Variants in IL15RA observed in about 807,000 individuals in gnomAD.
The protein encoded by IL15RA is interleukin 15 receptor subunit alpha.
IL15RA carries 26 observed loss-of-function variants against 24.2 expected under a neutral mutation model. The ratio of observed to expected loss-of-function variants is 1.07; its 90% CI spans 0.79 to 1.49. The LOEUF (loss-of-function observed/expected upper bound fraction) is 1.49. Ranked by LOEUF, IL15RA falls within the 40% of genes most tolerant of loss-of-function variation. The pLI, the probability that IL15RA is intolerant of heterozygous loss-of-function variation, is 0.00. For synonymous variants in IL15RA, 166 were observed against 157.6 expected, an observed-to-expected ratio of 1.05 and a Z score of -0.40; for missense variants, 354 against 356.4, an observed-to-expected ratio of 0.99 and a Z score of 0.05.
chr10:5,961,721 C>T lies in IL15RA; in HGVS notation c.383-1154G>A, dbSNP rs946440820. 7.2e-5 allele frequency among the ~76,000 whole-genome samples: 11 copies of T among 152,234 alleles called. No individual in the cohort carries two copies. The highest frequency in any genetic ancestry group is 2.4e-4 in the African/African-American group (10 of 41,456). ...CTGCCCCTGCACTGTAAGGGTGTGG[C>T]GTAACTGTGCTGTTCCCTCTCCATG... is the stretch of plus-strand genomic sequence containing the variant. On this transcript the variant is annotated intron_variant, in intron 3 of 6. Transcript: ENST00000379977. The surrounding 1 kb of genome is among the most constrained non-coding windows in gnomAD (Gnocchi z 5.2).
Position 5,958,820 on chromosome 10 carries a change from T to A in IL15RA, c.616+934A>T, listed in dbSNP as rs1834985704. ...TGAGTCATTCTCTAGCAGAAAAATT[T>A]ATGAACAGAAGATTAAAATAATTTT... On this transcript the variant is annotated intron_variant, in intron 5 of 6. Coordinates refer to ENST00000379977, the MANE Select transcript of IL15RA (RefSeq NM_002189.4). This position sits in a 1 kb window ranked among gnomAD's most constrained non-coding sequence, Gnocchi z 4.3. Among the ~76,000 whole-genome samples the A allele has an allele frequency of 6.6e-6, 1 of 152,252 alleles. No individual in the cohort carries two copies. Among genetic ancestry groups the A allele is most frequent in the African/African-American group, 2.4e-5 (1 of 41,468 alleles).
At position 5,968,534 on chromosome 10, in the gene IL15RA, G is replaced by T. The variant is rs1837001600; in HGVS notation, c.89-2195C>A. On this transcript the variant is annotated intron_variant, in intron 1 of 6. Transcript: ENST00000379977. The surrounding 1 kb of genome is among the most constrained non-coding windows in gnomAD (Gnocchi z 5.4). Reference sequence around the variant, plus strand: ...CTTCTGCTAAGCTGATGGCGTGAGAGATGGAGTCGATCTCACAAGTTGTTG... The same window carrying T: ...CTTCTGCTAAGCTGATGGCGTGAGATATGGAGTCGATCTCACAAGTTGTTG... The T allele has an allele frequency of 1.1e-5, 6 of 531,958 alleles. No individual in the cohort carries two copies. Among genetic ancestry groups the T allele is most frequent in the Non-Finnish European group, 2.0e-5 (6 of 295,020 alleles). The allele number at this position is 531,958 out of a possible 1,614,324, so 33.0% of individuals were successfully genotyped here.
chr10:5,967,374 T>G lies in IL15RA; in HGVS notation c.89-1035A>C, dbSNP rs1321926985. Among the ~76,000 whole-genome samples the G allele has an allele frequency of 6.6e-6, 1 of 152,142 alleles. No homozygotes were observed. Among genetic ancestry groups the G allele is most frequent in the Non-Finnish European group, 1.5e-5 (1 of 68,020 alleles). On this transcript the variant is annotated intron_variant, in intron 1 of 6. Transcript: ENST00000379977. The surrounding 1 kb of genome is among the most constrained non-coding windows in gnomAD (Gnocchi z 4.4). ...TGCACACCACCACACCCAGCTAATT[T>G]TTGTATTTTTAGTAGAGACAGGGTT...
rs2132529990 is a variant in IL15RA at position 5,966,534 on chromosome 10, T to G, written c.89-195A>C. On this transcript the variant is annotated intron_variant, in intron 1 of 6. Coordinates refer to ENST00000379977, the MANE Select transcript of IL15RA (RefSeq NM_002189.4). The surrounding 1 kb of genome is among the most constrained non-coding windows in gnomAD (Gnocchi z 6.4). The stretch of plus-strand genomic sequence containing the variant: ...AGCCTTCCTGGAGCCTCGCCTGAAG[T>G]GCCAGTCAGCCAGCAAAACTACAGA... Among the ~76,000 whole-genome samples, 1 of 152,138 alleles carries G rather than the reference T, an allele frequency of 6.6e-6. No homozygotes were observed. Among genetic ancestry groups the G allele is most frequent in the South Asian group, 2.1e-4 (1 of 4,828 alleles).
At position 5,960,721 on chromosome 10, in the gene IL15RA, G is replaced by A. The variant is rs764157187; in HGVS notation, c.383-154C>T. On this transcript the variant is annotated intron_variant, in intron 3 of 6. Transcript: ENST00000379977. The surrounding 1 kb of genome is among the most constrained non-coding windows in gnomAD (Gnocchi z 5.1). ...TGCTCCTTGAGAGGGTGACATAGCC[G>A]TTCCTCTGGAAGGGCCATAGGACCT... Among the ~76,000 whole-genome samples, 3 of 152,106 alleles carry A rather than the reference G, an allele frequency of 2.0e-5. No individual in the cohort carries two copies. The highest frequency in any genetic ancestry group is 6.6e-5 in the Admixed American group (1 of 15,260).
chr10:5,969,306 TTTTAA>T (rs1471494670), intron 1 of IL15RA, among the ~76,000 whole-genome samples: 2 of 149,812 alleles, frequency 1.3e-5, no homozygotes, highest in Non-Finnish European at 3.0e-5. Flanking sequence ...AAATTAAATT[TTTTAA>T]TTTAATTAAA....
Position 5,967,119 on chromosome 10 carries a change from T to C in IL15RA, c.89-780A>G, listed in dbSNP as rs567154893. 6.6e-6 allele frequency among the ~76,000 whole-genome samples: 1 copy of C among 152,314 alleles called. No homozygotes were observed. The highest frequency in any genetic ancestry group is 2.1e-4 in the South Asian group (1 of 4,828). On this transcript the variant is annotated intron_variant, in intron 1 of 6. Coordinates refer to ENST00000379977, the MANE Select transcript of IL15RA (RefSeq NM_002189.4). This position sits in a 1 kb window ranked among gnomAD's most constrained non-coding sequence, Gnocchi z 4.4. ...CCTCCATCTCAAAAATCCACTCCCT[T>C]GTGTGTGCACATGTGTGTGTTAGCT...
rs1014937478 is a variant in IL15RA, at chr10:5,973,375, G to A, written c.88+4030C>T. Reference sequence around the variant, plus strand: ...TTCACATCTTTTGTTAGATTTATCCGTAAGTATCTAATGCTTTTTAATGTT... The same window carrying A: ...TTCACATCTTTTGTTAGATTTATCCATAAGTATCTAATGCTTTTTAATGTT... On this transcript the variant is annotated intron_variant, in intron 1 of 6. Transcript: ENST00000379977. This position sits in a 1 kb window ranked among gnomAD's most constrained non-coding sequence, Gnocchi z 4.5. Among the ~76,000 whole-genome samples, 22 of 152,104 alleles carry A rather than the reference G, an allele frequency of 1.4e-4. No homozygotes were observed. Among genetic ancestry groups the A allele is most frequent in the Admixed American group, 5.9e-4 (9 of 15,270 alleles).
chr10:5,951,482 A>G (rs1378423626), downstream of IL15RA, among the ~76,000 whole-genome samples: 1 of 152,152 alleles, frequency 6.6e-6, no homozygotes, highest in Non-Finnish European at 1.5e-5. Flanking sequence ...GTTTTCAGCC[A>G]GGACTGCTCC....
At position 5,970,081 on chromosome 10, in the gene IL15RA, T is replaced by G. The variant is rs1408024562; in HGVS notation, c.89-3742A>C. ...TTTGTAGATTCCATATGATTTCCTATGGAGATGATCACATCATAGATTCTC... is the reference window on the plus strand; with the variant it reads ...TTTGTAGATTCCATATGATTTCCTAGGGAGATGATCACATCATAGATTCTC... On this transcript the variant is annotated intron_variant, in intron 1 of 6. Transcript: ENST00000379977. The surrounding 1 kb of genome is among the most constrained non-coding windows in gnomAD (Gnocchi z 4.1). 6.6e-6 allele frequency among the ~76,000 whole-genome samples: 1 copy of G among 152,230 alleles called. No individual in the cohort carries two copies. Among genetic ancestry groups the G allele is most frequent in the Non-Finnish European group, 1.5e-5 (1 of 68,042 alleles).
rs8177650 is a variant in IL15RA, at chr10:5,973,617, A to G, written c.88+3788T>C. On this transcript the variant is annotated intron_variant, in intron 1 of 6. Coordinates refer to ENST00000379977, the MANE Select transcript of IL15RA (RefSeq NM_002189.4). The surrounding 1 kb of genome is among the most constrained non-coding windows in gnomAD (Gnocchi z 4.5). ...TGGATATGCATATATAGAAACAAACAAAATCCCAAAACAACCTTTAATTCA... is the reference window on the plus strand; with the variant it reads ...TGGATATGCATATATAGAAACAAACGAAATCCCAAAACAACCTTTAATTCA... Among the ~76,000 whole-genome samples the G allele has an allele frequency of 1.5e-3, 235 of 152,356 alleles. 1 individual carries two copies. Among genetic ancestry groups the G allele is most frequent in the African/African-American group, 5.2e-3 (216 of 41,578 alleles).
Position 5,953,280 on chromosome 10 carries a change from A to G in IL15RA, c.693-74T>C. 1 of 1,058,656 alleles carries G rather than the reference A, an allele frequency of 9.4e-7. No individual in the cohort carries two copies. The highest frequency in any genetic ancestry group is 1.5e-6 in the Non-Finnish European group (1 of 677,472). The allele number at this position is 1,058,656 out of a possible 1,614,324, so 65.6% of individuals were successfully genotyped here. Reference sequence around the variant, plus strand: ...TCAAATCAACAGACGCTTCCCACTGAGCATGTATGTCCAGCACTGCGGGGA... The same window carrying G: ...TCAAATCAACAGACGCTTCCCACTGGGCATGTATGTCCAGCACTGCGGGGA... On this transcript the variant is annotated intron_variant, in intron 6 of 6. Transcript: ENST00000379977. The surrounding 1 kb of genome is among the most constrained non-coding windows in gnomAD (Gnocchi z 5.3).
chr10:5,962,040 G>A lies in IL15RA; in HGVS notation c.383-1473C>T, dbSNP rs375034615. 1.1e-4 allele frequency among the ~76,000 whole-genome samples: 17 copies of A among 152,314 alleles called. No homozygotes were observed. Among genetic ancestry groups the A allele is most frequent in the African/African-American group, 3.6e-4 (15 of 41,574 alleles). On this transcript the variant is annotated intron_variant, in intron 3 of 6. Transcript: ENST00000379977. This position sits in a 1 kb window ranked among gnomAD's most constrained non-coding sequence, Gnocchi z 5.2. ...TGCTGTCACATCGGGGCTTCTGACTGCACCATTGTGTCTCGACAATGGCCA... is the reference window on the plus strand; with the variant it reads ...TGCTGTCACATCGGGGCTTCTGACTACACCATTGTGTCTCGACAATGGCCA...
At position 5,953,299 on chromosome 10, in the gene IL15RA, G is replaced by A; in HGVS notation, c.693-93C>T. The A allele has an allele frequency of 1.1e-6, 1 of 903,336 alleles. No individual in the cohort carries two copies. 56.0% of individuals were successfully genotyped at this position (903,336 alleles called of 1,614,324 possible). A position where few individuals can be genotyped will look rare whatever the true frequency, so the allele number is the denominator to read the frequency against. ...CCACTGAGCATGTATGTCCAGCACT[G>A]CGGGGATGGCAGGAGCAGACAGAGG... On this transcript the variant is annotated intron_variant, in intron 6 of 6. Coordinates refer to ENST00000379977, the MANE Select transcript of IL15RA (RefSeq NM_002189.4). This position sits in a 1 kb window ranked among gnomAD's most constrained non-coding sequence, Gnocchi z 5.3.
rs530800127 is a variant in IL15RA at position 5,960,962 on chromosome 10, G to A, written c.383-395C>T. On this transcript the variant is annotated intron_variant, in intron 3 of 6. Coordinates refer to ENST00000379977, the MANE Select transcript of IL15RA (RefSeq NM_002189.4). This position sits in a 1 kb window ranked among gnomAD's most constrained non-coding sequence, Gnocchi z 5.1. ...GGAATCTTGCTCTGTTGCCAAGGTT[G>A]GAGTGCAGTGGCGCGATCTCAGCTC... Among the ~76,000 whole-genome samples, 1 of 152,116 alleles carries A rather than the reference G, an allele frequency of 6.6e-6. No individual in the cohort carries two copies. Among genetic ancestry groups the A allele is most frequent in the Middle Eastern group, 3.4e-3 (1 of 294 alleles).
chr10:5,966,345 A>T lies in IL15RA; in HGVS notation c.89-6T>A. 6.2e-7 allele frequency: 1 copy of T among 1,603,788 alleles called. No homozygotes were observed. The highest frequency in any genetic ancestry group is 8.5e-7 in the Non-Finnish European group (1 of 1,171,322). On this transcript the variant is annotated splice_region_variant and splice_polypyrimidine_tract_variant and intron_variant, in intron 1 of 6. Transcript: ENST00000379977. This position sits in a 1 kb window ranked among gnomAD's most constrained non-coding sequence, Gnocchi z 6.4. Reference sequence around the variant, plus strand: ...GGGGGGAGGGCACGTGATGCCTGCGAAAGTGCAGAGGACAGGGGACGGTGA... The same window carrying T: ...GGGGGGAGGGCACGTGATGCCTGCGTAAGTGCAGAGGACAGGGGACGGTGA...
rs1836291574 is a variant in IL15RA, at chr10:5,965,120, GAGAGAAGCCTGC to G, written c.283+1013_283+1024del. Among the ~76,000 whole-genome samples, 1 of 152,228 alleles carries G rather than the reference GAGAGAAGCCTGC, an allele frequency of 6.6e-6. No individual in the cohort carries two copies. Among genetic ancestry groups the G allele is most frequent in the African/African-American group, 2.4e-5 (1 of 41,454 alleles). ...CTGCCCCAGAGATGAACTGGGGAAG[GAGAGAAGCCTGC>G]AGAGGTGGGCCTGAGTGTTCCAGAA... On this transcript the variant is annotated intron_variant, in intron 2 of 6. Transcript: ENST00000379977. This position sits in a 1 kb window ranked among gnomAD's most constrained non-coding sequence, Gnocchi z 5.8.
rs1836098752 is a variant in IL15RA, at chr10:5,964,192, T to A, written c.284-351A>T. On this transcript the variant is annotated intron_variant, in intron 2 of 6. Coordinates refer to ENST00000379977, the MANE Select transcript of IL15RA (RefSeq NM_002189.4). This position sits in a 1 kb window ranked among gnomAD's most constrained non-coding sequence, Gnocchi z 5.6. Reference sequence around the variant, plus strand: ...TTGTTTGTTTGAGACAGGGTCTTGCTCCGTTGCCCAGGTTGGAGTGCAGTA... The same window carrying A: ...TTGTTTGTTTGAGACAGGGTCTTGCACCGTTGCCCAGGTTGGAGTGCAGTA... Among the ~76,000 whole-genome samples the A allele has an allele frequency of 6.6e-6, 1 of 152,192 alleles. No individual in the cohort carries two copies. Among genetic ancestry groups the A allele is most frequent in the Non-Finnish European group, 1.5e-5 (1 of 68,026 alleles).
At position 5,958,553 on chromosome 10, in the gene IL15RA, T is replaced by C. The variant is rs1320436067; in HGVS notation, c.616+1201A>G. Among the ~76,000 whole-genome samples, 1 of 151,976 alleles carries C rather than the reference T, an allele frequency of 6.6e-6. No homozygotes were observed. The highest frequency in any genetic ancestry group is 1.5e-5 in the Non-Finnish European group (1 of 67,982). ...GGCATGTGCCACCATGTCTGGCTAATTTTTTGTATTTTTAGTAAAGATGGG... is the reference window on the plus strand; with the variant it reads ...GGCATGTGCCACCATGTCTGGCTAACTTTTTGTATTTTTAGTAAAGATGGG... On this transcript the variant is annotated intron_variant, in intron 5 of 6. Transcript: ENST00000379977. This position sits in a 1 kb window ranked among gnomAD's most constrained non-coding sequence, Gnocchi z 4.3.
Sources: gnomAD v4.1 joint callset for allele counts (sites outside exome capture counted in the v4.1 genomes callset) on GRCh38, gnomAD v4.1.1 for gene constraint, Gnocchi (gnomAD v3.1) non-coding constraint, MANE v1.5 for transcripts, NCBI Gene and HGNC (gene_info 2026-07-23, HGNC 2026-07-21) for gene names.